Variants in LMF1 observed in about 807,000 individuals in gnomAD.
LMF1 encodes the protein lipase maturation factor 1.
LMF1 carries 68 observed loss-of-function variants against 60.6 expected under a neutral mutation model. That is an observed-to-expected ratio of 1.12 (90% confidence interval 0.92 to 1.37). LMF1 has a LOEUF of 1.37. Among genes scored for constraint, LMF1 ranks in the 40% most tolerant of loss-of-function variants. The pLI is 0.00. For synonymous variants in LMF1, 418 were observed against 324.7 expected (o/e 1.29, Z -3.09); for missense variants, 948 against 767.2 (o/e 1.24, Z -2.78).
chr16:919,440 GC>G (rs1208434486), intron 3 of LMF1, among the ~76,000 whole-genome samples: 1 of 137,366 alleles, frequency 7.3e-6, no homozygotes, highest in Non-Finnish European at 1.5e-5. Flanking sequence ...TCACTGCTGA[GC>G]CCCCCTGGGA....
rs2072832053 is a variant in LMF1 at position 962,535 on chromosome 16, G to A, written c.194-7869C>T. ...CGTGCGGACGTCAGGACCCTGATAC[G>A]GTGTGACGGGAAGGGCCCCGCACCT... On this transcript the variant is annotated intron_variant, in intron 1 of 10. Coordinates refer to ENST00000262301, the MANE Select transcript of LMF1 (RefSeq NM_022773.4). The surrounding 1 kb of genome is among the most constrained non-coding windows in gnomAD (Gnocchi z 4.5). 6.6e-6 allele frequency among the ~76,000 whole-genome samples: 1 copy of A among 152,178 alleles called. No individual in the cohort carries two copies. Among genetic ancestry groups the A allele is most frequent in the Non-Finnish European group, 1.5e-5 (1 of 68,040 alleles).
At chr16:868,892 G>C in intron 10 of LMF1, 52 bp downstream of exon 10, 3 of 1,175,496 alleles carry the variant, frequency 2.6e-6, no homozygotes, top group Non-Finnish European at 3.8e-6. Context: ...GATCCCAGCA[G>C]ACACCTGGAT....
intron 2 of LMF1, among the ~76,000 whole-genome samples, chr16:944,820 C>G (rs1597045876): frequency 1.3e-5 from 2 of 152,326 alleles, no homozygotes; most frequent in South Asian, 4.1e-4. Flanking sequence ...CCTAAACACC[C>G]CATCTCGTCT....
intron 4 of LMF1, among the ~76,000 whole-genome samples, chr16:906,863 GATGTC>G (rs1264773546): frequency 6.6e-6 from 1 of 152,100 alleles, no homozygotes; most frequent in Non-Finnish European, 1.5e-5. Flanking sequence ...GATTGCTTGG[GATGTC>G]ATGGAATCTA....
intron 5 of LMF1, among the ~76,000 whole-genome samples, chr16:880,045 C>CACAGGCAGTCGGAGA (rs954190174): frequency 2.0e-5 from 3 of 152,212 alleles, no homozygotes; most frequent in African/African-American, 7.2e-5. Context: ...AACTTGAGAA[C>CACAGGCAGTCGGAGA]ACAGGCAGTC....
At chr16:869,791 C>T (rs1425903164) in intron 9 of LMF1, 92 bp downstream of exon 9, 9 of 1,324,098 alleles carry the variant, frequency 6.8e-6, no homozygotes, top group Non-Finnish European at 9.4e-6. Flanking sequence ...CCCACCAGCC[C>T]CTTCAGTGGG....
intron 2 of LMF1, among the ~76,000 whole-genome samples, chr16:934,916 G>T (rs985624934): frequency 1.3e-5 from 2 of 152,208 alleles, no homozygotes; most frequent in Non-Finnish European, 1.5e-5. Flanking sequence ...AACCCCCTCT[G>T]CCACCTATGG....
chr16:866,709 G>A (rs775676852), intron 10 of LMF1, among the ~76,000 whole-genome samples: 4 of 152,192 alleles, frequency 2.6e-5, no homozygotes, highest in Admixed American at 6.5e-5. Flanking sequence ...GTTGCCTGGA[G>A]TGGTGATTAT....
rs1253111189 is a variant in LMF1, at chr16:853,671, T to G, written c.*861A>C. On this transcript the variant is annotated 3_prime_UTR_variant, in exon 11 of 11. Coordinates refer to ENST00000262301, the MANE Select transcript of LMF1 (RefSeq NM_022773.4). The stretch of plus-strand genomic sequence containing the variant: ...CTGGTAAGTGGTATAATAGGAATAG[T>G]AGAAGAATATGCCATAGCTATGGCT... 6.6e-6 allele frequency: 3 copies of G among 453,794 alleles called. No individual in the cohort carries two copies. The highest frequency in any genetic ancestry group is 1.3e-5 in the Non-Finnish European group (3 of 226,628). 28.1% of individuals were successfully genotyped at this position (453,794 alleles called of 1,614,324 possible).
intron 1 of LMF1, among the ~76,000 whole-genome samples, chr16:958,550 G>T (rs983879305): frequency 6.6e-6 from 1 of 152,186 alleles, no homozygotes; most frequent in African/African-American, 2.4e-5. Flanking sequence ...ACCACAGCGT[G>T]CTGTCACCAC....
chr16:888,227 C>G (rs1441074551), intron 5 of LMF1, among the ~76,000 whole-genome samples: 1 of 152,150 alleles, frequency 6.6e-6, no homozygotes, highest in African/African-American at 2.4e-5. Context: ...CCCTGCCCGC[C>G]CAGGCCCTGG....
At chr16:939,938 G>A (rs1453288174) in intron 2 of LMF1, among the ~76,000 whole-genome samples, 1 of 152,154 alleles carries the variant, frequency 6.6e-6, no homozygotes, top group African/African-American at 2.4e-5. Context: ...TGGAAAAGGG[G>A]TCTCTGTGGA....
intron 1 of LMF1, among the ~76,000 whole-genome samples, chr16:955,014 G>A (rs2072644764): frequency 6.6e-6 from 1 of 151,246 alleles, no homozygotes; most frequent in Non-Finnish European, 1.5e-5. Flanking sequence ...CGTGCCTGCA[G>A]CAGATGCGGT....
At chr16:948,244 AAAATGACAGAGTCAGC>A (rs1305081437) in intron 2 of LMF1, among the ~76,000 whole-genome samples, 1 of 150,860 alleles carries the variant, frequency 6.6e-6, no homozygotes, top group Admixed American at 6.6e-5. Context: ...AGAGTTACAG[AAAATGACAGAGTCAGC>A]CAACGACAGA....
Position 893,018 on chromosome 16 carries a change from A to G in LMF1, c.718T>C (p.Phe240Leu), listed in dbSNP as rs34295987. ...CACGGCACGCTCACCTCATAGTGGA[A>G]GTCCATGCAGGTGAGGTCTCGCCAG... ...RCWRDLTCMD[F>L]HYETQPMPNP... is the part of the protein sequence containing the mutation. Residue 240 changes from phenylalanine to leucine, a missense_variant, in exon 5 of 11, where the codon TTC becomes CTC. Phe to Leu is a conservative substitution (Grantham distance 22). Coordinates refer to ENST00000262301, the MANE Select transcript of LMF1 (RefSeq NM_022773.4). 231 of 1,550,508 alleles carry G rather than the reference A, an allele frequency of 1.5e-4. No individual in the cohort carries two copies. The African/African-American group carries it at 3.0e-3, about 20-fold the overall frequency.
At chr16:867,441 C>A (rs1039326904) in intron 10 of LMF1, among the ~76,000 whole-genome samples, 1 of 152,140 alleles carries the variant, frequency 6.6e-6, no homozygotes. Flanking sequence ...GAGGAGGCTG[C>A]GATCTGGGGT....
In LMF1 at chr16:954,679, G is replaced by C. The variant is rs745950241; in HGVS notation, c.194-13C>G. 13 of 1,576,590 alleles carry C rather than the reference G, an allele frequency of 8.2e-6. No homozygotes were observed. The highest frequency in any genetic ancestry group is 1.2e-5 in the South Asian group (1 of 85,362). On this transcript the variant is annotated splice_polypyrimidine_tract_variant and intron_variant, in intron 1 of 10. Transcript: ENST00000262301. ...AGGAATGCCACGACTGGAAGAAAAA[G>C]AAGACAAAACAAGCATGACTAGGAA...
At chr16:886,128 G>A (rs1231391119) in intron 5 of LMF1, among the ~76,000 whole-genome samples, 1 of 152,190 alleles carries the variant, frequency 6.6e-6, no homozygotes, top group Non-Finnish European at 1.5e-5. Context: ...TCTCACAACC[G>A]CCGTAGGGTA....
chr16:974,929 C>A (rs929434368), upstream of LMF1, among the ~76,000 whole-genome samples: 2 of 152,224 alleles, frequency 1.3e-5, no homozygotes, highest in Admixed American at 6.5e-5. Context: ...GAAGGGGGGC[C>A]CAGGACCCGT....
Sources: gnomAD v4.1 joint callset for allele counts (sites outside exome capture counted in the v4.1 genomes callset) on GRCh38, gnomAD v4.1.1 for gene constraint, Gnocchi (gnomAD v3.1) non-coding constraint, MANE v1.5 for transcripts, NCBI Gene and HGNC (gene_info 2026-07-23, HGNC 2026-07-21) for gene names.